Variants in IL23R observed in about 807,000 individuals in gnomAD.
IL23R encodes the protein interleukin 23 receptor.
In IL23R, 34 loss-of-function variants were observed where a neutral mutation model predicts 56.9. The ratio of observed to expected loss-of-function variants is 0.60; its 90% confidence interval spans 0.45 to 0.80. IL23R has a LOEUF of 0.80. IL23R is among the 30% of genes least tolerant of loss of function. The probability of loss-of-function intolerance (pLI) is 0.00; values close to 1 mark genes in which losing one functional copy is unlikely to be tolerated. For missense variants in IL23R, 635 were observed against 730.0 expected, an observed-to-expected ratio of 0.87 and a Z score of 1.50; for synonymous variants, 230 against 249.2, an observed-to-expected ratio of 0.92 and a Z score of 0.73.
chr1:67,211,598 G>A (rs977372909), intron 6 of IL23R, among the ~76,000 whole-genome samples: 2 of 151,880 alleles, frequency 1.3e-5, no homozygotes, highest in Non-Finnish European at 2.9e-5. Flanking sequence ...ACTCCAGCCT[G>A]GGTGACAGAG....
At chr1:67,205,943 C>CT (rs35963866) in intron 5 of IL23R, among the ~76,000 whole-genome samples, 9 of 140,322 alleles carry the variant, frequency 6.4e-5, no homozygotes, top group Non-Finnish European at 9.4e-5. Context: ...CTTTCTTTCT[C>CT]TTTTTTTTTC....
At chr1:67,205,851 A>C (rs1219655501) in intron 5 of IL23R, among the ~76,000 whole-genome samples, 2 of 151,318 alleles carry the variant, frequency 1.3e-5, no homozygotes, top group African/African-American at 2.4e-5. Flanking sequence ...TTATTGTGAT[A>C]AAAGATCTGA....
At chr1:67,226,909 A>C (rs961158557) in intron 7 of IL23R, among the ~76,000 whole-genome samples, 1 of 152,202 alleles carries the variant, frequency 6.6e-6, no homozygotes, top group Non-Finnish European at 1.5e-5. Flanking sequence ...CCACCTGGGC[A>C]TTACAGGAAC....
intron 6 of IL23R, among the ~76,000 whole-genome samples, chr1:67,210,551 C>T (rs778870049): frequency 1.2e-4 from 19 of 152,120 alleles, no homozygotes; most frequent in Non-Finnish European, 2.1e-4. Flanking sequence ...CAGCCACAAC[C>T]TCTTGGGCTC....
intron 7 of IL23R, among the ~76,000 whole-genome samples, chr1:67,233,488 C>T (rs573447679): frequency 2.6e-4 from 39 of 152,216 alleles, no homozygotes; most frequent in African/African-American, 7.7e-4. Context: ...AGATGGAATA[C>T]GTTATTGCTA....
At chr1:67,233,392 G>A (rs1045696285) in intron 7 of IL23R, among the ~76,000 whole-genome samples, 5 of 151,726 alleles carry the variant, frequency 3.3e-5, no homozygotes, top group African/African-American at 1.2e-4. Flanking sequence ...TTTTGATTAT[G>A]TCTTCATAGC....
rs545127993 is a variant in IL23R at position 67,173,468 on chromosome 1, T to C, written c.367+3830T>C. The stretch of plus-strand genomic sequence containing the variant: ...ATAACTTCAGCACAAATCATTGTAA[T>C]CAATGAGGGACCACAACTCAAACTC... On this transcript the variant is annotated intron_variant, in intron 3 of 10. Coordinates refer to ENST00000347310, the MANE Select transcript of IL23R (RefSeq NM_144701.3). 5.3e-5 allele frequency among the ~76,000 whole-genome samples: 8 copies of C among 152,282 alleles called. No individual in the cohort carries two copies. The South Asian group carries it at 1.7e-3, about 32-fold the overall frequency.
intron 7 of IL23R, among the ~76,000 whole-genome samples, chr1:67,230,515 G>C (rs1292212625): frequency 6.7e-6 from 1 of 150,360 alleles, no homozygotes; most frequent in Non-Finnish European, 1.5e-5. Context: ...AAAATTTCCT[G>C]GGTGGCTACT....
intron 10 of IL23R, among the ~76,000 whole-genome samples, chr1:67,257,938 A>C (rs1653040485): frequency 1.3e-5 from 2 of 152,012 alleles, no homozygotes; most frequent in Admixed American, 6.6e-5. Flanking sequence ...TCCTGATCTC[A>C]AGTGATCTGC....
At chr1:67,156,766 C>G (rs898139832) in intron 1 of IL23R, among the ~76,000 whole-genome samples, 15 of 152,198 alleles carry the variant, frequency 9.9e-5, no homozygotes, top group African/African-American at 3.6e-4. Context: ...GTGGGACCTG[C>G]TGAGCGAGAC....
rs149543590 is a variant in IL23R at position 67,259,272 on chromosome 1, C to G, written c.*144C>G. On this transcript the variant is annotated 3_prime_UTR_variant, in exon 11 of 11. Coordinates refer to ENST00000347310, the MANE Select transcript of IL23R (RefSeq NM_144701.3). ...CACATGGACACATGTTTTCATTTCC[C>G]TTGGATAAATACCTAGGTAGGGGAT... 286 of 802,312 alleles carry G rather than the reference C, an allele frequency of 3.6e-4. 1 individual carries two copies. In the African/African-American group the frequency reaches 4.4e-3, roughly 12 times the overall value. The allele number at this position is 802,312 out of a possible 1,614,324, so 49.7% of individuals were successfully genotyped here.
Position 67,182,840 on chromosome 1 carries a change from G to T in IL23R, c.372G>T (p.Pro124=), listed in dbSNP as rs143803981. 1.2e-6 allele frequency: 2 copies of T among 1,613,700 alleles called. No individual in the cohort carries two copies. The highest frequency in any genetic ancestry group is 1.7e-6 in the Non-Finnish European group (2 of 1,179,846). Residue 124 remains proline (P), a synonymous_variant, in exon 4 of 11, where the codon CCG becomes CCT. Transcript: ENST00000347310. ...ICGKDISSGY[P]PDIPDEVTCV... Reference sequence around the variant, plus strand: ...AAGTGTTATGTTTTGTTGCAGATCCGCCAGATATTCCTGATGAAGTAACCT... The same window carrying T: ...AAGTGTTATGTTTTGTTGCAGATCCTCCAGATATTCCTGATGAAGTAACCT...
At chr1:67,210,092 T>C (rs560226886) in intron 6 of IL23R, among the ~76,000 whole-genome samples, 1 of 152,338 alleles carries the variant, frequency 6.6e-6, no homozygotes, top group Admixed American at 6.5e-5. Context: ...TTATTACCAG[T>C]ATAGGCCTGA....
At chr1:67,260,769 T>C (rs990659508), downstream of IL23R, among the ~76,000 whole-genome samples, 1 of 152,182 alleles carries the variant, frequency 6.6e-6, no homozygotes, top group African/African-American at 2.4e-5. Context: ...TGTAAATTCA[T>C]GCCTATAGTC....
chr1:67,222,098 C>CTT (rs1558251147), intron 7 of IL23R, among the ~76,000 whole-genome samples: 19 of 89,786 alleles, frequency 2.1e-4, no homozygotes, highest in African/African-American at 8.3e-4. Context: ...TTCTTTCTTT[C>CTT]TTTCTTTTTT....
chr1:67,166,143 A>G (rs1646871574), upstream of IL23R, among the ~76,000 whole-genome samples: 1 of 152,248 alleles, frequency 6.6e-6, no homozygotes, highest in Non-Finnish European at 1.5e-5. Context: ...TGTATAATTA[A>G]TAACAATGCT....
intron 6 of IL23R, among the ~76,000 whole-genome samples, chr1:67,218,034 C>G (rs1028910871): frequency 6.6e-6 from 1 of 151,832 alleles, no homozygotes; most frequent in African/African-American, 2.4e-5. Flanking sequence ...TCATGCTTCA[C>G]TTTTTCCAGT....
chr1:67,230,539 T>C (rs530555288), intron 7 of IL23R, among the ~76,000 whole-genome samples: 9 of 136,156 alleles, frequency 6.6e-5, no homozygotes, highest in African/African-American at 2.3e-4. Flanking sequence ...TTTTGCCTTT[T>C]CCTCCTCTTA....
At chr1:67,233,881 T>C (rs1347149879) in intron 7 of IL23R, among the ~76,000 whole-genome samples, 4 of 148,792 alleles carry the variant, frequency 2.7e-5, no homozygotes, top group Non-Finnish European at 4.5e-5. Flanking sequence ...AATTAGGCAA[T>C]GCACTGATGA....
Sources: gnomAD v4.1 joint callset for allele counts (sites outside exome capture counted in the v4.1 genomes callset) on GRCh38, gnomAD v4.1.1 for gene constraint, MANE v1.5 for transcripts, NCBI Gene and HGNC (gene_info 2026-07-23, HGNC 2026-07-21) for gene names.